The following PLPPR1 variants were observed in gnomAD, a reference collection of about 807,000 sequenced individuals.
PLPPR1 encodes phospholipid phosphatase-related protein type 1.
A neutral mutation model predicts 33.1 loss-of-function variants in PLPPR1; 10 were observed. The observed-to-expected ratio is 0.30, with a 90% CI of 0.19 to 0.51. The LOEUF (loss-of-function observed/expected upper bound fraction) is 0.51, where lower values mean the gene tolerates loss of function less well. Among genes scored for constraint, PLPPR1 ranks in the 20% least tolerant of loss-of-function variants. PLPPR1 has a pLI of 0.97. For synonymous variants in PLPPR1, 151 were observed against 151.0 expected, an observed-to-expected ratio of 1.00 and a Z score of 0.00; for missense variants, 304 against 408.1, an observed-to-expected ratio of 0.74 and a Z score of 2.20.
At chr9:101,309,587 A>G in intron 5 of PLPPR1, 126 bp downstream of exon 5, 1 of 1,044,628 alleles carries the variant, frequency 9.6e-7, no homozygotes, top group East Asian at 2.5e-5. Flanking sequence ...ATATTTCTCT[A>G]CATTATGCTA....
intron 2 of PLPPR1, among the ~76,000 whole-genome samples, chr9:101,209,602 T>C (rs1272248924): frequency 6.6e-6 from 1 of 152,244 alleles, no homozygotes; most frequent in Non-Finnish European, 1.5e-5. Context: ...GAGGGACTGA[T>C]GTTTGTTTTA....
chr9:101,267,424 G>T (rs1478640615), intron 2 of PLPPR1, among the ~76,000 whole-genome samples: 2 of 152,152 alleles, frequency 1.3e-5, no homozygotes, highest in East Asian at 1.9e-4. Flanking sequence ...CTGGCATAAA[G>T]GTTGGTGATT....
chr9:101,042,307 C>T (rs1047050294), intron 1 of PLPPR1, among the ~76,000 whole-genome samples: 2 of 152,116 alleles, frequency 1.3e-5, no homozygotes, highest in African/African-American at 4.8e-5. Context: ...GTTTTTGTTC[C>T]TTCAGGTGTT....
intron 1 of PLPPR1, chr9:101,185,100 GA>G (rs1232513787): frequency 5.0e-5 from 8 of 160,844 alleles, no homozygotes; most frequent in Admixed American, 6.5e-5. Flanking sequence ...GGATGGACAA[GA>G]AAAAAAAGTT....
chr9:101,035,836 A>G (rs1354664593), intron 1 of PLPPR1, among the ~76,000 whole-genome samples: 1 of 152,198 alleles, frequency 6.6e-6, no homozygotes, highest in Non-Finnish European at 1.5e-5. Context: ...CAGACTTTCA[A>G]GTGAAATGAC....
intron 1 of PLPPR1, among the ~76,000 whole-genome samples, chr9:101,082,248 C>G (rs1830629253): frequency 6.6e-6 from 1 of 152,154 alleles, no homozygotes; most frequent in African/African-American, 2.4e-5. Context: ...GTTACTATTA[C>G]AGTCCCTAGG....
At chr9:101,265,625 A>ATC (rs368272488) in intron 2 of PLPPR1, among the ~76,000 whole-genome samples, 95 of 152,342 alleles carry the variant, frequency 6.2e-4, no homozygotes, top group African/African-American at 2.1e-3. Context: ...AGTGAGATGG[A>ATC]TCTCTCTGCT....
chr9:101,311,579 C>A (rs573343859), intron 5 of PLPPR1, among the ~76,000 whole-genome samples: 2 of 152,164 alleles, frequency 1.3e-5, no homozygotes, highest in African/African-American at 4.8e-5. Flanking sequence ...TAACATTTAC[C>A]AGAGTCTGAA....
chr9:101,238,385 T>C (rs897062644), intron 2 of PLPPR1, among the ~76,000 whole-genome samples: 2 of 146,244 alleles, frequency 1.4e-5, no homozygotes, highest in African/African-American at 5.1e-5. Flanking sequence ...ATAGGGTATA[T>C]ATATATGATG....
chr9:101,303,291 T>TGTTTG (rs1439105313), intron 4 of PLPPR1, among the ~76,000 whole-genome samples: 1 of 151,490 alleles, frequency 6.6e-6, no homozygotes, highest in East Asian at 1.9e-4. Flanking sequence ...CAGGTTTTTT[T>TGTTTG]GTTTGGTTTG....
chr9:101,308,095 A>G (rs1828887064), intron 4 of PLPPR1, among the ~76,000 whole-genome samples: 1 of 152,216 alleles, frequency 6.6e-6, no homozygotes, highest in African/African-American at 2.4e-5. Flanking sequence ...GCAAAACCAG[A>G]ATAATGCACC....
At chr9:101,074,036 C>T (rs1391951290) in intron 1 of PLPPR1, among the ~76,000 whole-genome samples, 2 of 152,110 alleles carry the variant, frequency 1.3e-5, no homozygotes, top group Non-Finnish European at 2.9e-5. Context: ...CAGGAAAGCG[C>T]ATGAAACAAA....
chr9:101,093,926 T>A (rs12004775), intron 1 of PLPPR1, among the ~76,000 whole-genome samples: 1 of 152,140 alleles, frequency 6.6e-6, no homozygotes, highest in Non-Finnish European at 1.5e-5. Context: ...ATAGGATACA[T>A]GTTCTCTCTC....
At chr9:101,156,913 TG>T (rs969515414) in intron 1 of PLPPR1, among the ~76,000 whole-genome samples, 31 of 48,968 alleles carry the variant, frequency 6.3e-4, no homozygotes, top group Non-Finnish European at 6.6e-4. Flanking sequence ...GGTCCCTATA[TG>T]ACATATAAAG....
At chr9:101,088,413 C>A (rs991457930) in intron 1 of PLPPR1, among the ~76,000 whole-genome samples, 27 of 150,404 alleles carry the variant, frequency 1.8e-4, no homozygotes, top group African/African-American at 6.7e-4. Flanking sequence ...AAAAGTAATT[C>A]TAATATAAAA....
At chr9:101,263,748 C>T (rs1022219238) in intron 2 of PLPPR1, among the ~76,000 whole-genome samples, 2 of 152,178 alleles carry the variant, frequency 1.3e-5, no homozygotes, top group African/African-American at 4.8e-5. Flanking sequence ...TCTGTCTGTG[C>T]CTGTTTCCTC....
intron 1 of PLPPR1, among the ~76,000 whole-genome samples, chr9:101,095,504 A>G (rs1830806005): frequency 6.6e-6 from 1 of 152,152 alleles, no homozygotes; most frequent in Non-Finnish European, 1.5e-5. Flanking sequence ...GATGTGAGAA[A>G]GCATAATTTT....
intron 1 of PLPPR1, among the ~76,000 whole-genome samples, chr9:101,172,313 C>T (rs1196192406): frequency 6.7e-6 from 1 of 149,634 alleles, no homozygotes; most frequent in Non-Finnish European, 1.5e-5. Flanking sequence ...AAAGATATCT[C>T]AATGAATATT....
At chr9:101,297,253 A>G (rs1223430272) in intron 4 of PLPPR1, among the ~76,000 whole-genome samples, 1 of 114,186 alleles carries the variant, frequency 8.8e-6, no homozygotes, top group Non-Finnish European at 2.1e-5. Flanking sequence ...AATAAAGGCT[A>G]TCCAGAACGA....
Sources: gnomAD v4.1 joint callset for allele counts (sites outside exome capture counted in the v4.1 genomes callset) on GRCh38, gnomAD v4.1.1 for gene constraint, MANE v1.5 for transcripts, NCBI Gene and HGNC (gene_info 2026-07-23, HGNC 2026-07-21) for gene names.